The following CD22 variants were observed in gnomAD, a reference collection of about 807,000 sequenced individuals.
CD22 encodes CD22 molecule.
CD22 carries 51 observed loss-of-function variants against 94.7 expected under a neutral mutation model. The ratio of observed to expected loss-of-function variants is 0.54; its 90% confidence interval spans 0.43 to 0.68. The LOEUF (loss-of-function observed/expected upper bound fraction) is 0.68, where lower values mean the gene tolerates loss of function less well. CD22 is among the 30% of genes least tolerant of loss of function. The pLI, the probability that CD22 is intolerant of heterozygous loss-of-function variation, is 0.00. For synonymous variants in CD22, 424 were observed against 422.5 expected (o/e 1.00, Z -0.04); for missense variants, 931 against 1,060.4 (o/e 0.88, Z 1.69).
chr19:35,338,050 A>G (rs1417564086), intron 5 of CD22, 29 bp downstream of exon 5: 1 of 1,589,570 alleles, frequency 6.3e-7, no homozygotes, highest in African/African-American at 1.3e-5. Context: ...GGGACAGGCC[A>G]GGCAGGGAGG....
rs748051201 is a variant in CD22, at chr19:35,341,034, G to C, written c.1403G>C (p.Gly468Ala). 6.2e-7 allele frequency: 1 copy of C among 1,614,176 alleles called. No individual in the cohort carries two copies. Among genetic ancestry groups the C allele is most frequent in the South Asian group, 1.1e-5 (1 of 91,086 alleles). Residue 468 changes from glycine to alanine, a missense_variant, in exon 7 of 14, where the codon GGG becomes GCG. By Grantham distance (60) the Gly-to-Ala change is moderately conservative. Transcript: ENST00000085219. The surrounding 1 kb of genome is among the most constrained non-coding windows in gnomAD (Gnocchi z 4.0). ...PHGAWEEPSLGVLKIQNVGWD... is the reference protein window; with the variant it reads ...PHGAWEEPSLAVLKIQNVGWD... ...GGCGCCTGGGAGGAGCCATCGCTTG[G>C]GGTGCTGAAGATCCAAAACGTTGGC... is the stretch of plus-strand genomic sequence containing the variant.
chr19:35,338,186 C>A lies in CD22; in HGVS notation c.1004C>A (p.Thr335Lys), dbSNP rs766385619. Reference protein sequence around the residue: ...LQVQYAPEPSTVQILHSPAVE... With the variant: ...LQVQYAPEPSKVQILHSPAVE... ...CTTCCAGATGCCCCGGAACCTTCCA[C>A]GGTTCAGATCCTCCACTCACCGGCT... The change falls in exon 6 of 14, where the codon ACG (threonine) becomes AAG (lysine). Residue 335 changes from threonine (T) to lysine (K), a missense_variant. Transcript: ENST00000085219. 1 of 1,612,548 alleles carries A rather than the reference C, an allele frequency of 6.2e-7. No homozygotes were observed.
In CD22 at chr19:35,341,246, G is replaced by A; in HGVS notation, c.1508-97G>A. ...GCCAGTGTCTTCAACAGAATTGAGG[G>A]ACAGGAGCCTGGCGTCAGGGCCAAG... On this transcript the variant is annotated intron_variant, in intron 7 of 13. Coordinates refer to ENST00000085219, the MANE Select transcript of CD22 (RefSeq NM_001771.4). This position sits in a 1 kb window ranked among gnomAD's most constrained non-coding sequence, Gnocchi z 4.0. The A allele has an allele frequency of 6.3e-7, 1 of 1,595,546 alleles. No individual in the cohort carries two copies. The highest frequency in any genetic ancestry group is 8.6e-7 in the Non-Finnish European group (1 of 1,168,676).
rs1259387907 is a variant in CD22 at position 35,332,530 on chromosome 19, C to G, written c.35-17C>G. 6.3e-7 allele frequency: 1 copy of G among 1,582,504 alleles called. No individual in the cohort carries two copies. The highest frequency in any genetic ancestry group is 1.9e-5 in the Admixed American group (1 of 52,908). ...TCTCATGCCCCCTTAGTAATGCTTT[C>G]TGATCACTGTGGTGAGTTCTAGAAT... On this transcript the variant is annotated splice_polypyrimidine_tract_variant and intron_variant, in intron 2 of 13. Coordinates refer to ENST00000085219, the MANE Select transcript of CD22 (RefSeq NM_001771.4).
At chr19:35,344,317 C>T (rs2066866689) in intron 9 of CD22, among the ~76,000 whole-genome samples, 2 of 152,240 alleles carry the variant, frequency 1.3e-5, no homozygotes, top group Non-Finnish European at 2.9e-5. Context: ...ACCATTGTTC[C>T]CTGGGTATCC....
chr19:35,344,088 C>G (rs553224070), intron 9 of CD22, among the ~76,000 whole-genome samples: 1 of 152,138 alleles, frequency 6.6e-6, no homozygotes, highest in Non-Finnish European at 1.5e-5. Context: ...CCCAACTACT[C>G]GGGAGGCTGA....
intron 3 of CD22, chr19:35,333,161 C>T: frequency 1.9e-6 from 1 of 525,634 alleles, no homozygotes; most frequent in Non-Finnish European, 3.4e-6. Context: ...TATCGGATCT[C>T]CTGATCTTTC....
Position 35,338,275 on chromosome 19 carries a change from A to AT in CD22, c.1093_1094insT (p.Thr365IlefsTer48). 3 of 1,614,112 alleles carry AT rather than the reference A, an allele frequency of 1.9e-6. No individual in the cohort carries two copies. The highest frequency in any genetic ancestry group is 1.7e-6 in the Non-Finnish European group (2 of 1,180,022). ...GGCCAATCCTCTTCCAACAAATTAC[A>AT]CGTGGTACCACAATGGGAAAGAAAT... is the stretch of plus-strand genomic sequence containing the variant. On this transcript the variant is annotated frameshift_variant, in exon 6 of 14. Transcript: ENST00000085219. LOFTEE classifies it high-confidence loss of function.
At chr19:35,336,682 C>T (rs770676909) in intron 4 of CD22, 43 of 275,540 alleles carry the variant, frequency 1.6e-4, no homozygotes, top group Non-Finnish European at 2.5e-4. Flanking sequence ...GGCCTTATTA[C>T]GGCTGCCAAT....
intron 5 of CD22, 42 bp downstream of exon 5, chr19:35,338,063 G>T (rs1231778593): frequency 6.3e-7 from 1 of 1,583,496 alleles, no homozygotes; most frequent in African/African-American, 1.3e-5. Context: ...CAGGGAGGTA[G>T]CAGGGGTGGA....
At chr19:35,330,343 GA>G (rs1238388112) in intron 1 of CD22, among the ~76,000 whole-genome samples, 3 of 150,476 alleles carry the variant, frequency 2.0e-5, no homozygotes, top group Admixed American at 2.0e-4. Context: ...TGTCTCAAAA[GA>G]AAAAAAAAGA....
rs751155158 is a variant in CD22, at chr19:35,341,831, A to T, written c.1901A>T (p.Asn634Ile). 1 of 1,613,994 alleles carries T rather than the reference A, an allele frequency of 6.2e-7. No individual in the cohort carries two copies. ...CACTACACCTGGTTTGACTGGAATAACCAAAGCCTCCCCTACCACAGCCAG... is the reference window on the plus strand; with the variant it reads ...CACTACACCTGGTTTGACTGGAATATCCAAAGCCTCCCCTACCACAGCCAG... ...VSHYTWFDWN[N>I]QSLPYHSQKL... The change falls in exon 9 of 14, where the codon AAC (asparagine) becomes ATC (isoleucine). Residue 634 changes from asparagine (N) to isoleucine (I), a missense_variant. Physicochemically the swap from Asn to Ile is moderately radical, Grantham distance 149. Transcript: ENST00000085219. The surrounding 1 kb of genome is among the most constrained non-coding windows in gnomAD (Gnocchi z 4.0).
chr19:35,337,511 C>T lies in CD22; in HGVS notation c.719-244C>T, dbSNP rs140974460. On this transcript the variant is annotated intron_variant, in intron 4 of 13. Coordinates refer to ENST00000085219, the MANE Select transcript of CD22 (RefSeq NM_001771.4). This position sits in a 1 kb window ranked among gnomAD's most constrained non-coding sequence, Gnocchi z 4.4. ...TTCTATGCAAAGCACAGAACCCGCT[C>T]GTGGTTTCCAGCAGGATTGGCGAGG... 1.7e-4 allele frequency among the ~76,000 whole-genome samples: 26 copies of T among 152,186 alleles called. No homozygotes were observed. The highest frequency in any genetic ancestry group is 6.8e-3 in the Middle Eastern group (2 of 294).
rs988151934 is a variant in CD22, at chr19:35,337,009, G to T, written c.718+668G>T. Among the ~76,000 whole-genome samples the T allele has an allele frequency of 1.3e-5, 2 of 152,120 alleles. No individual in the cohort carries two copies. The highest frequency in any genetic ancestry group is 2.4e-5 in the African/African-American group (1 of 41,432). On this transcript the variant is annotated intron_variant, in intron 4 of 13. Transcript: ENST00000085219. The surrounding 1 kb of genome is among the most constrained non-coding windows in gnomAD (Gnocchi z 4.4). ...AATCCTAGCACTTTGGAAGGCCGAG[G>T]CGGGGGGATCACAAGGTCAGGAGAT...
At position 35,344,835 on chromosome 19, in the gene CD22, C is replaced by T. The variant is rs767938914; in HGVS notation, c.2042C>T (p.Pro681Leu). Residue 681 changes from proline to leucine, a missense_variant, in exon 10 of 14, where the codon CCG (proline) becomes CTG (leucine). Physicochemically the swap from Pro to Leu is moderately conservative, Grantham distance 98 (BLOSUM62 -3). Coordinates refer to ENST00000085219, the MANE Select transcript of CD22 (RefSeq NM_001771.4). ...CTCTCCTTTCTCCACCCAGATAGCCCGGAGACCATCGGCAGGCGAGTGGCT... is the reference window on the plus strand; with the variant it reads ...CTCTCCTTTCTCCACCCAGATAGCCTGGAGACCATCGGCAGGCGAGTGGCT... ...PLSTLTVYYS[P>L]ETIGRRVAVG... is the part of the protein sequence containing the mutation. 24 of 1,610,332 alleles carry T rather than the reference C, an allele frequency of 1.5e-5. No individual in the cohort carries two copies. The highest frequency in any genetic ancestry group is 1.6e-4 in the Middle Eastern group (1 of 6,074).
At chr19:35,340,190 G>T (rs919224819) in intron 6 of CD22, among the ~76,000 whole-genome samples, 1 of 152,088 alleles carries the variant, frequency 6.6e-6, no homozygotes, top group East Asian at 1.9e-4. Context: ...TTTGCCACAC[G>T]CCACACTCTG....
At position 35,336,707 on chromosome 19, in the gene CD22, G is replaced by A. The variant is rs1029300915; in HGVS notation, c.718+366G>A. On this transcript the variant is annotated intron_variant, in intron 4 of 13. Coordinates refer to ENST00000085219, the MANE Select transcript of CD22 (RefSeq NM_001771.4). ...CGGCTGCCAATGGGGGGCATGGGGC[G>A]GTGGGCAGGGTGCAGCAGTGAGCAA... 6 of 265,156 alleles carry A rather than the reference G, an allele frequency of 2.3e-5. No homozygotes were observed. In the South Asian group the frequency reaches 2.6e-4, roughly 12 times the overall value. 16.4% of individuals were successfully genotyped at this position (265,156 alleles called of 1,614,324 possible). A position where few individuals can be genotyped will look rare whatever the true frequency, so the allele number is the denominator to read the frequency against.
At chr19:35,332,457 A>T (rs746602958) in intron 2 of CD22, 90 bp from the exon 3 acceptor site, 1 of 1,345,008 alleles carries the variant, frequency 7.4e-7, no homozygotes, top group Admixed American at 2.7e-5. Flanking sequence ...TAAAAAGAAT[A>T]AAAAATTAAA....
At chr19:35,335,033 A>C (rs2066699117) in intron 3 of CD22, among the ~76,000 whole-genome samples, 1 of 141,932 alleles carries the variant, frequency 7.0e-6, no homozygotes, top group South Asian at 2.2e-4. Context: ...AGCTGAGATC[A>C]CGCCACTACA....
Sources: gnomAD v4.1 joint callset for allele counts (sites outside exome capture counted in the v4.1 genomes callset) on GRCh38, gnomAD v4.1.1 for gene constraint, Gnocchi (gnomAD v3.1) non-coding constraint, MANE v1.5 for transcripts, NCBI Gene and HGNC (gene_info 2026-07-23, HGNC 2026-07-21) for gene names.